Variants in ZMYM6 observed in about 807,000 individuals in gnomAD.
ZMYM6 encodes zinc finger MYM-type containing 6.
ZMYM6 carries 90 observed loss-of-function variants against 134.0 expected under a neutral mutation model. The observed-to-expected ratio is 0.67, with a 90% CI of 0.57 to 0.80. The LOEUF is 0.80. Among genes scored for constraint, ZMYM6 ranks in the 30% least tolerant of loss-of-function variants. The pLI, the probability that ZMYM6 is intolerant of heterozygous loss-of-function variation, is 0.00. For missense variants in ZMYM6, 1,362 were observed against 1,533.9 expected (o/e 0.89, Z 1.87); for synonymous variants, 481 against 524.1 (o/e 0.92, Z 1.12).
Position 35,016,529 on chromosome 1 carries a change from A to G in ZMYM6, c.429-1367T>C, listed in dbSNP as rs184953618. Among the ~76,000 whole-genome samples, 10 of 152,376 alleles carry G rather than the reference A, an allele frequency of 6.6e-5. No homozygotes were observed. The East Asian group carries it at 1.9e-3, about 29-fold the overall frequency. ...GTATTGCCATTCTTCTGACAAGTATAAAAACTAAAGGAAATAGTCACTAAT... is the reference window on the plus strand; with the variant it reads ...GTATTGCCATTCTTCTGACAAGTATGAAAACTAAAGGAAATAGTCACTAAT... On this transcript the variant is annotated intron_variant, in intron 4 of 15. Coordinates refer to ENST00000357182, the MANE Select transcript of ZMYM6 (RefSeq NM_007167.4).
Position 35,014,688 on chromosome 1 carries a change from T to C in ZMYM6, c.795+9A>G. The C allele has an allele frequency of 1.2e-6, 2 of 1,610,346 alleles. No individual in the cohort carries two copies. The highest frequency in any genetic ancestry group is 1.7e-6 in the Non-Finnish European group (2 of 1,178,074). ...GGCCTAAGTACATGCAACAAATAGA[T>C]ATTCATACCTGCTTGTATGCCGTGA... On this transcript the variant is annotated intron_variant, in intron 6 of 15. Coordinates refer to ENST00000357182, the MANE Select transcript of ZMYM6 (RefSeq NM_007167.4).
At chr1:34,998,050 G>A (rs898257427) in intron 14 of ZMYM6, among the ~76,000 whole-genome samples, 6 of 152,128 alleles carry the variant, frequency 3.9e-5, no homozygotes, top group African/African-American at 1.2e-4. Context: ...GGACACCGAG[G>A]CAGGCGGATC....
chr1:35,029,540 T>C (rs1641479261), intron 2 of ZMYM6, among the ~76,000 whole-genome samples: 1 of 152,232 alleles, frequency 6.6e-6, no homozygotes, highest in South Asian at 2.1e-4. Context: ...TACTACATAC[T>C]GATATACTAA....
intron 14 of ZMYM6, among the ~76,000 whole-genome samples, chr1:34,999,418 G>C (rs923694369): frequency 2.6e-5 from 4 of 152,124 alleles, no homozygotes; most frequent in Non-Finnish European, 4.4e-5. Context: ...TTTCCATAAA[G>C]AGAGCAGAGA....
chr1:35,011,999 T>C lies in ZMYM6; in HGVS notation c.953A>G (p.Gln318Arg), dbSNP rs1188644600. 2 of 1,593,114 alleles carry C rather than the reference T, an allele frequency of 1.3e-6. No homozygotes were observed. The highest frequency in any genetic ancestry group is 2.2e-5 in the East Asian group (1 of 44,640). ...GGTTTTACAACTATGACATGAAACC[T>C]GGACACCTTGGTGACAAAAAATTAA... ...RVKTVTSSGV[Q>R]VSCHSCKTSA... Residue 318 changes from glutamine (Q) to arginine (R), a missense_variant, in exon 8 of 16, where the codon CAG becomes CGG. Transcript: ENST00000357182.
At chr1:35,027,551 C>T (rs1302294959) in intron 2 of ZMYM6, among the ~76,000 whole-genome samples, 1 of 151,870 alleles carries the variant, frequency 6.6e-6, no homozygotes, top group African/African-American at 2.4e-5. Flanking sequence ...GAGTTCAGGA[C>T]CAGCCTGGGC....
At chr1:34,989,388 AAAG>A (rs1263357957) in intron 15 of ZMYM6, 20 of 320,762 alleles carry the variant, frequency 6.2e-5, no homozygotes, top group African/African-American at 2.9e-4. Flanking sequence ...AAAAAAAAAA[AAAG>A]AAGAAGAAAA....
rs537082366 is a variant in ZMYM6 at position 35,004,173 on chromosome 1, G to A, written c.1955-168C>T. On this transcript the variant is annotated intron_variant, in intron 13 of 15. Coordinates refer to ENST00000357182, the MANE Select transcript of ZMYM6 (RefSeq NM_007167.4). ...AGTATCACCCAGGGTGCTTAATAAC[G>A]GTAAGGATTCCAGGGCCCCAATCCC... Among the ~76,000 whole-genome samples, 86 of 152,238 alleles carry A rather than the reference G, an allele frequency of 5.6e-4. 1 individual carries two copies. In the South Asian group the frequency reaches 0.015, roughly 26 times the overall value.
intron 14 of ZMYM6, among the ~76,000 whole-genome samples, chr1:35,003,180 CAAAAAAA>C (rs202093628): frequency 0.012 from 787 of 63,094 alleles, 10 homozygotes; most frequent in East Asian, 0.035. Flanking sequence ...GACCCTGTCT[CAAAAAAA>C]AAAAAAAAAA....
intron 15 of ZMYM6, 196 bp from the exon 16 acceptor site, chr1:34,989,131 C>CT: frequency 2.9e-6 from 4 of 1,372,998 alleles, no homozygotes; most frequent in Non-Finnish European, 3.7e-6. Context: ...TTGCCCAAAG[C>CT]TTGATCACTA....
chr1:35,031,868 T>C lies in ZMYM6; in HGVS notation c.-128A>G, dbSNP rs962789394. On this transcript the variant is annotated 5_prime_UTR_variant, in exon 1 of 16. Coordinates refer to ENST00000357182, the MANE Select transcript of ZMYM6 (RefSeq NM_007167.4). ...GCACTGGAATAGGAACCAAGTCCTC[T>C]GCATCTAGACAGGGATTATTTTCTC... The C allele has an allele frequency of 1.3e-5, 2 of 152,408 alleles. No homozygotes were observed. The highest frequency in any genetic ancestry group is 2.4e-5 in the African/African-American group (1 of 41,446). The allele number at this position is 152,408 out of a possible 1,614,324, so 9.4% of individuals were successfully genotyped here.
chr1:35,010,582 A>G lies in ZMYM6; in HGVS notation c.1357T>C (p.Phe453Leu). The G allele has an allele frequency of 1.2e-6, 2 of 1,611,974 alleles. No homozygotes were observed. The highest frequency in any genetic ancestry group is 1.7e-6 in the Non-Finnish European group (2 of 1,179,486). ...TCATCAGAGCAATTCTTGCCACAAAACAGAAACATTTTACCCTGCAGAGAA... is the reference window on the plus strand; with the variant it reads ...TCATCAGAGCAATTCTTGCCACAAAGCAGAAACATTTTACCCTGCAGAGAA... ...LLFYKGKMFL[F>L]CGKNCSDEYK... Residue 453 changes from phenylalanine to leucine, a missense_variant, in exon 10 of 16, where the codon TTT becomes CTT. By Grantham distance (22) the Phe-to-Leu change is conservative. This residue lies in a region of ZMYM6 where 35 missense variants were observed against 72.2 expected (regional missense o/e 0.48). Transcript: ENST00000357182.
chr1:35,025,265 C>A (rs947780258), intron 2 of ZMYM6, among the ~76,000 whole-genome samples: 1 of 151,390 alleles, frequency 6.6e-6, no homozygotes, highest in Non-Finnish European at 1.5e-5. Context: ...AGGTAGAGTT[C>A]GAGACCAGCC....
intron 2 of ZMYM6, among the ~76,000 whole-genome samples, chr1:35,023,143 T>C (rs995875168): frequency 6.6e-6 from 1 of 152,022 alleles, no homozygotes; most frequent in African/African-American, 2.4e-5. Context: ...AGTTTCGCTC[T>C]TGTTGCCCAG....
rs1569730434 is a variant in ZMYM6, at chr1:34,987,059, T to C, written c.*45A>G. The C allele has an allele frequency of 1.5e-6, 2 of 1,331,228 alleles. No homozygotes were observed. Among genetic ancestry groups the C allele is most frequent in the Non-Finnish European group, 2.0e-6 (2 of 1,006,188 alleles). 82.5% of individuals were successfully genotyped at this position (1,331,228 alleles called of 1,614,324 possible). On this transcript the variant is annotated 3_prime_UTR_variant, in exon 16 of 16. Transcript: ENST00000357182. The stretch of plus-strand genomic sequence containing the variant: ...ATCTTTTAGGATACTTATACAAAAC[T>C]TAACACAGGATTATTGACTTCACTG...
At chr1:35,007,355 C>T (rs1054078783) in intron 11 of ZMYM6, among the ~76,000 whole-genome samples, 6 of 152,020 alleles carry the variant, frequency 3.9e-5, no homozygotes, top group Non-Finnish European at 7.4e-5. Context: ...TTTTAGGAGG[C>T]CGAGGTGGGC....
chr1:35,028,468 G>A (rs955481578), intron 2 of ZMYM6, among the ~76,000 whole-genome samples: 1 of 151,964 alleles, frequency 6.6e-6, no homozygotes, highest in African/African-American at 2.4e-5. Context: ...AAAATTCCTT[G>A]CCAAAACAAC....
Position 35,010,831 on chromosome 1 carries a change from T to G in ZMYM6, c.1268A>C (p.His423Pro), listed in dbSNP as rs1399891329. 38 of 1,610,152 alleles carry G rather than the reference T, an allele frequency of 2.4e-5. No homozygotes were observed. Among genetic ancestry groups the G allele is most frequent in the Non-Finnish European group, 3.2e-5 (38 of 1,178,850 alleles). Residue 423 changes from histidine to proline, a missense_variant, in exon 9 of 16, where the codon CAT (histidine) becomes CCT (proline). His to Pro is a moderately conservative substitution (Grantham distance 77). Coordinates refer to ENST00000357182, the MANE Select transcript of ZMYM6 (RefSeq NM_007167.4). The stretch of plus-strand genomic sequence containing the variant: ...CTGACACTTGAGTTTAACAACTGTA[T>G]GGGTTAAAGCAACTTGCTGGGATTG... ...AEQSQQVALT[H>P]TVVKLKCQHC...
chr1:35,011,177 G>T, intron 8 of ZMYM6, 141 bp from the exon 9 acceptor site: 3 of 893,138 alleles, frequency 3.4e-6, no homozygotes, highest in South Asian at 3.6e-5. Context: ...AGTTTAAATG[G>T]TATATTTCCA....
Sources: gnomAD v4.1 joint callset for allele counts (sites outside exome capture counted in the v4.1 genomes callset) on GRCh38, gnomAD v4.1.1 for gene constraint, gnomAD v4.1.1 regional missense constraint, MANE v1.5 for transcripts, NCBI Gene and HGNC (gene_info 2026-07-23, HGNC 2026-07-21) for gene names.